Variants in LYPD1 observed in about 807,000 individuals in gnomAD.
LYPD1 encodes ly6/PLAUR domain-containing protein 1.
In LYPD1, 14 loss-of-function variants were observed where a neutral mutation model predicts 14.2. The ratio of observed to expected loss-of-function variants is 0.99; its 90% CI spans 0.65 to 1.54. LYPD1 has a LOEUF of 1.54. Among genes scored for constraint, LYPD1 ranks in the 40% most tolerant of loss-of-function variants. LYPD1 has a pLI of 0.00. For missense variants in LYPD1, 165 were observed against 175.7 expected, an observed-to-expected ratio of 0.94 and a Z score of 0.34; for synonymous variants, 85 against 70.6, an observed-to-expected ratio of 1.20 and a Z score of -1.02.
chr2:132,647,220 A>C (rs1453209230), intron 2 of LYPD1, among the ~76,000 whole-genome samples: 1 of 152,180 alleles, frequency 6.6e-6, no homozygotes, highest in Non-Finnish European at 1.5e-5. Context: ...CATTTTACAG[A>C]TGTGAAGCCT....
At chr2:132,663,587 T>G (rs1683092650) in intron 2 of LYPD1, among the ~76,000 whole-genome samples, 1 of 152,198 alleles carries the variant, frequency 6.6e-6, no homozygotes, top group African/African-American at 2.4e-5. Flanking sequence ...CATTTTAAAG[T>G]TTTTTAAGCT....
intron 2 of LYPD1, among the ~76,000 whole-genome samples, chr2:132,652,329 C>T (rs564779554): frequency 5.3e-5 from 8 of 152,160 alleles, no homozygotes; most frequent in Non-Finnish European, 8.8e-5. Context: ...AAGGAAAAGA[C>T]GACAGAAGGA....
chr2:132,650,698 C>T (rs1279949069), intron 2 of LYPD1, among the ~76,000 whole-genome samples: 1 of 145,010 alleles, frequency 6.9e-6, no homozygotes, highest in Non-Finnish European at 1.5e-5. Context: ...CTCTCCCTCC[C>T]TTCCTCCTCC....
Position 132,655,514 on chromosome 2 carries a change from A to T in LYPD1, c.191-9234T>A, listed in dbSNP as rs1249391470. Among the ~76,000 whole-genome samples the T allele has an allele frequency of 2.4e-3, 236 of 99,424 alleles. 4 individuals are homozygous for T. The highest frequency in any genetic ancestry group is 6.4e-3 in the African/African-American group (134 of 20,784). The allele number at this position is 99,424 out of a possible 152,430, so 65.2% of individuals were successfully genotyped here. On this transcript the variant is annotated intron_variant, in intron 2 of 2. Transcript: ENST00000397463. The stretch of plus-strand genomic sequence containing the variant: ...ATGATTCTCTTGGGGGTTGAGAAGC[A>T]TTTTTTTTTTTTTTTTTTGAGATGG...
At chr2:132,649,374 T>C (rs942917382) in intron 2 of LYPD1, among the ~76,000 whole-genome samples, 10 of 152,108 alleles carry the variant, frequency 6.6e-5, no homozygotes, top group African/African-American at 1.9e-4. Context: ...AGGCTGATGT[T>C]TGGAGTCTGC....
intron 2 of LYPD1, among the ~76,000 whole-genome samples, chr2:132,655,210 A>G (rs548112763): frequency 4.1e-4 from 62 of 152,218 alleles, no homozygotes; most frequent in Middle Eastern, 6.8e-3. Flanking sequence ...GAAACTTCCC[A>G]TATCTGGTCT....
chr2:132,646,214 G>T lies in LYPD1; in HGVS notation c.257C>A (p.Ser86Tyr). The T allele has an allele frequency of 6.2e-7, 1 of 1,604,676 alleles. No homozygotes were observed. The highest frequency in any genetic ancestry group is 2.2e-5 in the East Asian group (1 of 44,500). ...GTTCAGTTTCCCTGGGGAGCAGAAG[G>T]ACTGGTACCCGGCAGAGGCGATGAG... The part of the protein sequence containing the change: ...ACLIASAGYQ[S>Y]FCSPGKLNSV... Residue 86 changes from serine (S) to tyrosine (Y), a missense_variant, in exon 3 of 3, where the codon TCC becomes TAC. By Grantham distance (144) the Ser-to-Tyr change is moderately radical. Transcript: ENST00000397463.
chr2:132,664,466 C>T (rs1436005995), intron 2 of LYPD1, among the ~76,000 whole-genome samples: 1 of 152,218 alleles, frequency 6.6e-6, no homozygotes, highest in Non-Finnish European at 1.5e-5. Flanking sequence ...CCATTACTTA[C>T]ACAGCCATAA....
intron 2 of LYPD1, among the ~76,000 whole-genome samples, chr2:132,646,995 GAGC>G (rs1682131382): frequency 6.6e-6 from 1 of 152,240 alleles, no homozygotes. Context: ...CTGTCTCAAA[GAGC>G]ATGTGTGTCC....
rs559069309 is a variant in LYPD1 at position 132,656,881 on chromosome 2, T to C, written c.191-10601A>G. On this transcript the variant is annotated intron_variant, in intron 2 of 2. Transcript: ENST00000397463. ...GTTCCACACTGCATATCCATACTGA[T>C]GTTGAGCCCATCTTGGCCTAGCTGG... Among the ~76,000 whole-genome samples the C allele has an allele frequency of 6.6e-5, 10 of 152,310 alleles. No homozygotes were observed. In the South Asian group the frequency reaches 2.1e-3, roughly 32 times the overall value.
rs544907667 is a variant in LYPD1, at chr2:132,653,457, A to G, written c.191-7177T>C. On this transcript the variant is annotated intron_variant, in intron 2 of 2. Coordinates refer to ENST00000397463, the MANE Select transcript of LYPD1 (RefSeq NM_144586.7). ...GCTGACATAGATAAATGAGTAAATA[A>G]GTATGTGCAGAAGAGACAAGTTTTT... Among the ~76,000 whole-genome samples the G allele has an allele frequency of 1.1e-4, 17 of 152,352 alleles. 1 individual carries two copies. The South Asian group carries it at 3.5e-3, about 32-fold the overall frequency.
rs541502777 is a variant in LYPD1 at position 132,670,016 on chromosome 2, T to C, written c.-84A>G. 6.4e-7 allele frequency: 1 copy of C among 1,573,912 alleles called. No individual in the cohort carries two copies. The highest frequency in any genetic ancestry group is 8.6e-7 in the Non-Finnish European group (1 of 1,167,132). On this transcript the variant is annotated 5_prime_UTR_variant, in exon 1 of 3. Transcript: ENST00000397463. This position sits in a 1 kb window ranked among gnomAD's most constrained non-coding sequence, Gnocchi z 4.5. ...GAGGCTGCCCCGGCTGCAGCGGCTG[T>C]GGCTGCCGAGGCTGCTGGGGCCCGC... is the stretch of plus-strand genomic sequence containing the variant.
intron 2 of LYPD1, among the ~76,000 whole-genome samples, chr2:132,659,982 G>A (rs771894373): frequency 3.9e-5 from 6 of 152,212 alleles, no homozygotes; most frequent in East Asian, 3.9e-4. Context: ...AGATGCCTCC[G>A]TGGAGGGCAT....
At chr2:132,647,030 G>A (rs1682134226) in intron 2 of LYPD1, among the ~76,000 whole-genome samples, 1 of 152,212 alleles carries the variant, frequency 6.6e-6, no homozygotes, top group African/African-American at 2.4e-5. Flanking sequence ...AGTATAGTCA[G>A]TCATCAAATT....
At chr2:132,670,617 C>G (rs1013710583), upstream of LYPD1, among the ~76,000 whole-genome samples, 1 of 152,164 alleles carries the variant, frequency 6.6e-6, no homozygotes, top group African/African-American at 2.4e-5. The surrounding 1 kb of genome is among the most constrained non-coding windows in gnomAD (Gnocchi z 4.5). Flanking sequence ...CCAGCCCACA[C>G]AACTGAGGCT....
intron 2 of LYPD1, among the ~76,000 whole-genome samples, chr2:132,646,757 ACCAAATC>A (rs1558873441): frequency 6.6e-6 from 1 of 152,190 alleles, no homozygotes; most frequent in Non-Finnish European, 1.5e-5. Flanking sequence ...TTGAAGACAG[ACCAAATC>A]CCGAAGGGAA....
rs370326631 is a variant in LYPD1 at position 132,668,689 on chromosome 2, C to A, written c.53-152G>T. 630 of 1,163,374 alleles carry A rather than the reference C, an allele frequency of 5.4e-4. 2 individuals carry two copies. In the African/African-American group the frequency reaches 9.3e-3, roughly 17 times the overall value. The allele number at this position is 1,163,374 out of a possible 1,614,324, so 72.1% of individuals were successfully genotyped here. ...TCCGGGTAGGGCTGGATGTGGCTGA[C>A]ACCGGCAGGGGGCGGCGCGGGTACC... On this transcript the variant is annotated intron_variant, in intron 1 of 2. Coordinates refer to ENST00000397463, the MANE Select transcript of LYPD1 (RefSeq NM_144586.7).
chr2:132,646,342 TCAGCCCAAATCCAAACGGA>T lies in LYPD1; in HGVS notation c.191-81_191-63del. 2.6e-6 allele frequency: 3 copies of T among 1,168,294 alleles called. No individual in the cohort carries two copies. In the Middle Eastern group the frequency reaches 6.3e-4, roughly 245 times the overall value. 72.4% of individuals were successfully genotyped at this position (1,168,294 alleles called of 1,614,324 possible). ...ACCGGCAAAAGAATAGCTGTCCCTC[TCAGCCCAAATCCAAACGGA>T]CAGCTCTTCCTTACTCCTCCCACAG... On this transcript the variant is annotated intron_variant, in intron 2 of 2. Transcript: ENST00000397463.
chr2:132,649,181 TAGG>T (rs1371541641), intron 2 of LYPD1, among the ~76,000 whole-genome samples: 7 of 152,168 alleles, frequency 4.6e-5, no homozygotes, highest in African/African-American at 1.7e-4. Context: ...AGGAAGCAGG[TAGG>T]AGGTGTTGTG....
Sources: allele counts gnomAD v4.1 joint callset (sites outside exome capture counted in the v4.1 genomes callset), GRCh38; gene constraint gnomAD v4.1.1; non-coding constraint Gnocchi (gnomAD v3.1); transcripts MANE v1.5; gene names NCBI Gene and HGNC (gene_info 2026-07-23, HGNC 2026-07-21).